Variants in STK39 observed in about 807,000 individuals in gnomAD.
The protein encoded by STK39 is STE20/SPS1-related proline-alanine-rich protein kinase.
STK39 carries 20 observed loss-of-function variants against 77.8 expected under a neutral mutation model. The ratio of observed to expected loss-of-function variants is 0.26; its 90% CI spans 0.18 to 0.37. The LOEUF (loss-of-function observed/expected upper bound fraction) is 0.37, where lower values mean the gene tolerates loss of function less well. Ranked by LOEUF, STK39 falls within the 10% of genes least tolerant of loss-of-function variation. STK39 has a pLI of 1.00. For missense variants in STK39, 479 were observed against 656.5 expected (o/e 0.73, Z 2.95); for synonymous variants, 246 against 234.1 (o/e 1.05, Z -0.47).
At chr2:168,143,308 A>G (rs983726827) in intron 5 of STK39, among the ~76,000 whole-genome samples, 1 of 152,078 alleles carries the variant, frequency 6.6e-6, no homozygotes, top group African/African-American at 2.4e-5. Flanking sequence ...ATCCACCACT[A>G]CTTCTTGCTA....
chr2:168,170,003 T>G (rs1688784009), intron 2 of STK39, among the ~76,000 whole-genome samples: 1 of 152,178 alleles, frequency 6.6e-6, no homozygotes, highest in Admixed American at 6.5e-5. Context: ...CAGCAGCTTT[T>G]CCACAAGCAT....
intron 14 of STK39, among the ~76,000 whole-genome samples, chr2:168,054,437 G>A (rs1345873474): frequency 2.0e-5 from 3 of 152,240 alleles, no homozygotes; most frequent in African/African-American, 7.2e-5. Flanking sequence ...CAAACAACGT[G>A]CTTATCATCG....
chr2:168,163,900 A>G lies in STK39; in HGVS notation c.431-20T>C, dbSNP rs768064538. 2 of 1,608,958 alleles carry G rather than the reference A, an allele frequency of 1.2e-6. No individual in the cohort carries two copies. Among genetic ancestry groups the G allele is most frequent in the South Asian group, 2.2e-5 (2 of 90,486 alleles). ...TTGAACCTAAGTAGACAAACAGAAGAATTAAAACATAAGCACCTTCATCAC... is the reference window on the plus strand; with the variant it reads ...TTGAACCTAAGTAGACAAACAGAAGGATTAAAACATAAGCACCTTCATCAC... On this transcript the variant is annotated intron_variant, in intron 3 of 17. Transcript: ENST00000355999.
At chr2:168,056,023 T>C (rs1231828758) in intron 14 of STK39, among the ~76,000 whole-genome samples, 2 of 152,156 alleles carry the variant, frequency 1.3e-5, no homozygotes, top group Admixed American at 1.3e-4. Context: ...CAAAAAAAAT[T>C]TGCAAAAAAC....
In STK39 at chr2:168,131,983, A is replaced by G. The variant is rs114968803; in HGVS notation, c.975-2225T>C. On this transcript the variant is annotated intron_variant, in intron 8 of 17. Coordinates refer to ENST00000355999, the MANE Select transcript of STK39 (RefSeq NM_013233.3). Reference sequence around the variant, plus strand: ...GATGGCAGACATAAATAATCCTCCAACAAGTCACAATCTAGCAGGTAAGAG... The same window carrying G: ...GATGGCAGACATAAATAATCCTCCAGCAAGTCACAATCTAGCAGGTAAGAG... Among the ~76,000 whole-genome samples, 391 of 152,294 alleles carry G rather than the reference A, an allele frequency of 2.6e-3. 3 individuals carry two copies. Among genetic ancestry groups the G allele is most frequent in the African/African-American group, 9.0e-3 (374 of 41,560 alleles).
chr2:168,188,841 C>T (rs1354474051), intron 1 of STK39, among the ~76,000 whole-genome samples: 14 of 152,182 alleles, frequency 9.2e-5, no homozygotes, highest in Non-Finnish European at 7.3e-5. Context: ...ACAACTTGCC[C>T]TACGCATTAA....
intron 16 of STK39, among the ~76,000 whole-genome samples, chr2:168,007,608 G>T (rs1048653864): frequency 6.6e-6 from 1 of 152,108 alleles, no homozygotes; most frequent in African/African-American, 2.4e-5. Context: ...GATGGTGTGC[G>T]ATTTTAATGA....
At position 168,180,113 on chromosome 2, in the gene STK39, G is replaced by A. The variant is rs370401554; in HGVS notation, c.321+1865C>T. Among the ~76,000 whole-genome samples the A allele has an allele frequency of 4.9e-4, 75 of 152,272 alleles. 1 individual carries two copies. In the South Asian group the frequency reaches 9.3e-3, roughly 19 times the overall value. ...TGTAATCCCAGCACTGTGGGAGGCC[G>A]AGGCGGACAGATCACCTGAGGTCAG... On this transcript the variant is annotated intron_variant, in intron 2 of 17. Coordinates refer to ENST00000355999, the MANE Select transcript of STK39 (RefSeq NM_013233.3).
intron 1 of STK39, among the ~76,000 whole-genome samples, chr2:168,204,703 C>G (rs1270885594): frequency 2.0e-5 from 3 of 152,176 alleles, no homozygotes; most frequent in Admixed American, 6.5e-5. Context: ...TTTTCCTTGT[C>G]CCCATGCTAG....
chr2:168,134,673 C>A (rs1040081620), intron 8 of STK39, among the ~76,000 whole-genome samples: 1 of 152,122 alleles, frequency 6.6e-6, no homozygotes, highest in Non-Finnish European at 1.5e-5. Flanking sequence ...CAGACTCAGA[C>A]GAACCAAAGG....
chr2:167,963,294 G>A (rs890636494), intron 17 of STK39, among the ~76,000 whole-genome samples: 18 of 151,938 alleles, frequency 1.2e-4, no homozygotes, highest in Non-Finnish European at 5.9e-5. Context: ...ATTGTACAGC[G>A]GCTGTTTTCA....
At chr2:168,177,703 T>C (rs1688988506) in intron 2 of STK39, among the ~76,000 whole-genome samples, 1 of 152,134 alleles carries the variant, frequency 6.6e-6, no homozygotes. Flanking sequence ...GTAGCATCCC[T>C]AGCCTTTGAG....
At chr2:168,072,587 T>C (rs1165246930) in intron 12 of STK39, among the ~76,000 whole-genome samples, 8 of 152,230 alleles carry the variant, frequency 5.3e-5, no homozygotes, top group Non-Finnish European at 8.8e-5. Flanking sequence ...AGGACGGGGA[T>C]TTTGCTCTGT....
intron 1 of STK39, among the ~76,000 whole-genome samples, chr2:168,221,188 C>T (rs530752326): frequency 2.6e-5 from 4 of 152,214 alleles, no homozygotes; most frequent in Admixed American, 6.5e-5. Context: ...GGTCATTTGT[C>T]GAGTTCTTAG....
At chr2:167,976,553 G>A (rs1004863050) in intron 16 of STK39, among the ~76,000 whole-genome samples, 15 of 152,206 alleles carry the variant, frequency 9.9e-5, no homozygotes, top group South Asian at 4.1e-4. Context: ...AGCCATGCCT[G>A]TAGATAACAT....
At chr2:168,089,001 G>T (rs1242787694) in intron 10 of STK39, among the ~76,000 whole-genome samples, 1 of 152,170 alleles carries the variant, frequency 6.6e-6, no homozygotes, top group Non-Finnish European at 1.5e-5. Context: ...CTGATCTCTA[G>T]ATTTCGAAGA....
rs1688737843 is a variant in STK39, at chr2:168,168,297, A to T, written c.322-890T>A. Among the ~76,000 whole-genome samples the T allele has an allele frequency of 2.0e-5, 3 of 152,190 alleles. No homozygotes were observed. In the South Asian group the frequency reaches 6.2e-4, roughly 31 times the overall value. ...ACATTTTTCTGGAATATTCAGTTTC[A>T]TATTGATTTCAGTTTCTCGTTTTAA... is the stretch of plus-strand genomic sequence containing the variant. On this transcript the variant is annotated intron_variant, in intron 2 of 17. Coordinates refer to ENST00000355999, the MANE Select transcript of STK39 (RefSeq NM_013233.3).
At chr2:168,083,918 G>A (rs550976736) in intron 10 of STK39, among the ~76,000 whole-genome samples, 180 of 152,172 alleles carry the variant, frequency 1.2e-3, no homozygotes, top group African/African-American at 2.9e-3. Flanking sequence ...ATTGACTGAC[G>A]GCTGCCACAG....
At chr2:167,959,898 G>A (rs1691900375) in intron 17 of STK39, among the ~76,000 whole-genome samples, 1 of 152,126 alleles carries the variant, frequency 6.6e-6, no homozygotes, top group Admixed American at 6.5e-5. Flanking sequence ...AGTGGAAAAG[G>A]CAAGTCACAA....
Sources: gnomAD v4.1 joint callset for allele counts (sites outside exome capture counted in the v4.1 genomes callset) on GRCh38, gnomAD v4.1.1 for gene constraint, MANE v1.5 for transcripts, NCBI Gene and HGNC (gene_info 2026-07-23, HGNC 2026-07-21) for gene names.